PCNX1: variants seen among roughly 807,000 people sequenced by gnomAD.
The protein encoded by PCNX1 is pecanex-like protein 1.
In PCNX1, 78 loss-of-function variants were observed where a neutral mutation model predicts 242.2. That is an observed-to-expected ratio of 0.32 (90% CI 0.27 to 0.39). PCNX1 has a LOEUF of 0.39. Among genes scored for constraint, PCNX1 ranks in the 10% least tolerant of loss-of-function variants. The probability of loss-of-function intolerance (pLI) is 1.00; values close to 1 mark genes in which losing one functional copy is unlikely to be tolerated. For missense variants in PCNX1, 2,581 were observed against 2,856.5 expected, an observed-to-expected ratio of 0.90 and a Z score of 2.20; for synonymous variants, 1,024 against 1,032.9, an observed-to-expected ratio of 0.99 and a Z score of 0.17.
At chr14:71,087,017 A>G (rs1175219934) in intron 28 of PCNX1, among the ~76,000 whole-genome samples, 1 of 152,220 alleles carries the variant, frequency 6.6e-6, no homozygotes, top group East Asian at 1.9e-4. Context: ...CATCACAGAA[A>G]CAATACATTT....
At chr14:70,961,293 G>A (rs61988734) in intron 2 of PCNX1, among the ~76,000 whole-genome samples, 1 of 152,120 alleles carries the variant, frequency 6.6e-6, no homozygotes, top group Non-Finnish European at 1.5e-5. Context: ...AACCAAAACA[G>A]CATGGTACTG....
At chr14:70,950,273 A>G (rs562562663) in intron 2 of PCNX1, among the ~76,000 whole-genome samples, 2 of 152,260 alleles carry the variant, frequency 1.3e-5, no homozygotes, top group South Asian at 2.1e-4. Context: ...ATAAACTATT[A>G]TATTCCCAGT....
chr14:71,055,737 A>G (rs974491995), intron 25 of PCNX1, among the ~76,000 whole-genome samples, 175 bp downstream of exon 25: 7 of 152,222 alleles, frequency 4.6e-5, no homozygotes, highest in African/African-American at 1.7e-4. Flanking sequence ...CAGTATCTAC[A>G]GTTTATATGC....
At chr14:71,055,356 T>C (rs1209189171) in intron 24 of PCNX1, 148 bp from the exon 25 acceptor site, 1 of 559,464 alleles carries the variant, frequency 1.8e-6, no homozygotes, top group East Asian at 2.9e-5. Flanking sequence ...AGGCATTTTA[T>C]CATTATACTA....
chr14:71,012,676 A>G, intron 10 of PCNX1: 1 of 321,752 alleles, frequency 3.1e-6, no homozygotes, highest in South Asian at 2.7e-5. Context: ...CAAAAAATAG[A>G]AAAAGAATTA....
chr14:70,949,489 CCTT>C (rs905886432), intron 2 of PCNX1, among the ~76,000 whole-genome samples: 2 of 151,736 alleles, frequency 1.3e-5, no homozygotes, highest in Non-Finnish European at 2.9e-5. Flanking sequence ...TACACACACA[CCTT>C]AAGCAAATTG....
intron 7 of PCNX1, among the ~76,000 whole-genome samples, chr14:70,989,232 A>T (rs796708618): frequency 3.9e-5 from 6 of 151,954 alleles, no homozygotes; most frequent in African/African-American, 1.4e-4. Flanking sequence ...AAATGACAGA[A>T]CTAACATACA....
intron 30 of PCNX1, among the ~76,000 whole-genome samples, chr14:71,097,432 C>G (rs924476844): frequency 6.6e-6 from 1 of 152,192 alleles, no homozygotes; most frequent in Non-Finnish European, 1.5e-5. Context: ...AGTGTATAAG[C>G]ATTCCCTTTT....
chr14:70,951,603 G>A (rs769932843), intron 2 of PCNX1, among the ~76,000 whole-genome samples: 5 of 152,186 alleles, frequency 3.3e-5, no homozygotes, highest in Admixed American at 6.5e-5. Flanking sequence ...CTGGACTCCC[G>A]ACCTCAGGTA....
chr14:70,921,425 T>C (rs945782666), intron 1 of PCNX1, among the ~76,000 whole-genome samples: 1 of 152,126 alleles, frequency 6.6e-6, no homozygotes, highest in African/African-American at 2.4e-5. Context: ...GGACTACAGG[T>C]GTGAACCAAC....
At chr14:70,953,278 T>G (rs970323558) in intron 2 of PCNX1, among the ~76,000 whole-genome samples, 15 of 152,112 alleles carry the variant, frequency 9.9e-5, no homozygotes, top group South Asian at 4.1e-4. Context: ...GACCCTGTCT[T>G]GAAAAAATTT....
Position 71,068,428 on chromosome 14 carries a change from GT to G in PCNX1, c.4853-5116del, listed in dbSNP as rs1235793242. 1.0e-4 allele frequency among the ~76,000 whole-genome samples: 15 copies of G among 144,396 alleles called. No homozygotes were observed. In the East Asian group the frequency reaches 2.7e-3, roughly 26 times the overall value. The allele number at this position is 144,396 out of a possible 152,430, so 94.7% of individuals were successfully genotyped here. ...TATATATATGTATTTATATGTATAT[GT>G]ATATATGTATGTATATGTATATATG... On this transcript the variant is annotated intron_variant, in intron 26 of 35. Transcript: ENST00000304743.
In PCNX1 at chr14:71,083,859, C is replaced by T. The variant is rs543622962; in HGVS notation, c.5338-4471C>T. Reference sequence around the variant, plus strand: ...CTGAAGCCTACTTCTGTCAATTTGTCAAACTCATTCTCCATCCAGTTTTGT... The same window carrying T: ...CTGAAGCCTACTTCTGTCAATTTGTTAAACTCATTCTCCATCCAGTTTTGT... On this transcript the variant is annotated intron_variant, in intron 28 of 35. Transcript: ENST00000304743. Among the ~76,000 whole-genome samples, 56 of 152,254 alleles carry T rather than the reference C, an allele frequency of 3.7e-4. No individual in the cohort carries two copies. In the East Asian group the frequency reaches 9.9e-3, roughly 27 times the overall value.
At chr14:70,943,636 A>G (rs1283330449) in intron 1 of PCNX1, among the ~76,000 whole-genome samples, 1 of 152,200 alleles carries the variant, frequency 6.6e-6, no homozygotes, top group Non-Finnish European at 1.5e-5. Flanking sequence ...GAATTCAAGA[A>G]AGCTGCATAA....
chr14:70,921,697 A>G (rs991417815), intron 1 of PCNX1, among the ~76,000 whole-genome samples: 4 of 152,164 alleles, frequency 2.6e-5, no homozygotes, highest in Non-Finnish European at 1.5e-5. Flanking sequence ...AAGATTTTCA[A>G]ATGTATAAGA....
rs1387360991 is a variant in PCNX1 at position 70,994,426 on chromosome 14, T to TATATATATATATATAG, written c.2445-1311_2445-1310insATATATATATAGATAT. ...ATATATATATATATATATATATATA[T>TATATATATATATATAG]ATATGTATGTATGTATGTTTCAACA... On this transcript the variant is annotated intron_variant, in intron 7 of 35. Coordinates refer to ENST00000304743, the MANE Select transcript of PCNX1 (RefSeq NM_014982.3). Among the ~76,000 whole-genome samples the TATATATATATATATAG allele has an allele frequency of 1.6e-3, 187 of 114,944 alleles. 2 individuals carry two copies. The highest frequency in any genetic ancestry group is 2.7e-3 in the Non-Finnish European group (149 of 54,184). The allele number at this position is 114,944 out of a possible 152,430, so 75.4% of individuals were successfully genotyped here.
chr14:71,015,122 G>A (rs2059926668), intron 11 of PCNX1, among the ~76,000 whole-genome samples: 1 of 152,062 alleles, frequency 6.6e-6, no homozygotes, highest in Non-Finnish European at 1.5e-5. Context: ...AAAAACCAAA[G>A]TGAAATAAAG....
At chr14:70,956,091 T>C (rs2057983942) in intron 2 of PCNX1, among the ~76,000 whole-genome samples, 2 of 152,152 alleles carry the variant, frequency 1.3e-5, no homozygotes, top group South Asian at 4.1e-4. Context: ...AGGCCAGAGA[T>C]GCTGCTAGCC....
At chr14:70,930,417 A>C (rs1179482694) in intron 1 of PCNX1, among the ~76,000 whole-genome samples, 1 of 152,124 alleles carries the variant, frequency 6.6e-6, no homozygotes, top group African/African-American at 2.4e-5. Context: ...ATGTTATTTT[A>C]GTCTCTTTTC....
Sources: allele counts gnomAD v4.1 joint callset (sites outside exome capture counted in the v4.1 genomes callset), GRCh38; gene constraint gnomAD v4.1.1; transcripts MANE v1.5; gene names NCBI Gene and HGNC (gene_info 2026-07-23, HGNC 2026-07-21).